The following IQSEC1 variants were observed in gnomAD, a reference collection of about 807,000 sequenced individuals.
IQSEC1 encodes the protein IQ motif and SEC7 domain-containing protein 1.
In IQSEC1, 31 loss-of-function variants were observed where a neutral mutation model predicts 91.0. The ratio of observed to expected loss-of-function variants is 0.34; its 90% CI spans 0.26 to 0.46. IQSEC1 has a LOEUF of 0.46. IQSEC1 is among the 20% of genes least tolerant of loss of function. IQSEC1 has a pLI of 1.00. For missense variants in IQSEC1, 1,388 were observed against 1,575.6 expected (o/e 0.88, Z 2.02); for synonymous variants, 699 against 662.6 (o/e 1.05, Z -0.84).
At chr3:13,164,599 C>G (rs1336437910) in intron 1 of IQSEC1, among the ~76,000 whole-genome samples, 1 of 152,212 alleles carries the variant, frequency 6.6e-6, no homozygotes, top group African/African-American at 2.4e-5. Context: ...AGAACCAGCT[C>G]TATTTTCAAG....
In IQSEC1 at chr3:12,900,047, C is replaced by T; in HGVS notation, c.*936G>A. 1.0e-6 allele frequency: 1 copy of T among 985,280 alleles called. No individual in the cohort carries two copies. Among genetic ancestry groups the T allele is most frequent in the Non-Finnish European group, 1.2e-6 (1 of 829,890 alleles). 61.0% of individuals were successfully genotyped at this position (985,280 alleles called of 1,614,324 possible). Reference sequence around the variant, plus strand: ...CCGTGTAACCAATGTCCTAAGACAACCAGCTTGTAACCAGCTGTCCTGAGT... The same window carrying T: ...CCGTGTAACCAATGTCCTAAGACAATCAGCTTGTAACCAGCTGTCCTGAGT... On this transcript the variant is annotated 3_prime_UTR_variant, in exon 14 of 14. Coordinates refer to ENST00000613206, the MANE Select transcript of IQSEC1 (RefSeq NM_001134382.3).
rs189932262 is a variant in IQSEC1 at position 13,146,747 on chromosome 3, C to T, written c.302+17357G>A. On this transcript the variant is annotated intron_variant, in intron 2 of 15. Transcript: ENST00000648114. ...CTCAGCTACTCGAGAGGCTGAGGCA[C>T]GAGAATCACTTGAACACAGGAGGTT... Among the ~76,000 whole-genome samples, 47 of 152,242 alleles carry T rather than the reference C, an allele frequency of 3.1e-4. 2 individuals are homozygous for T. The East Asian group carries it at 3.9e-3, about 13-fold the overall frequency.
At chr3:12,912,598 A>C (rs1014601784) in intron 9 of IQSEC1, among the ~76,000 whole-genome samples, 2 of 140,378 alleles carry the variant, frequency 1.4e-5, no homozygotes, top group African/African-American at 2.7e-5. Context: ...CGGGAAGCGG[A>C]GCTTGCAGTG....
intron 1 of IQSEC1, among the ~76,000 whole-genome samples, chr3:13,281,729 C>T (rs1291531612): frequency 6.6e-6 from 1 of 152,222 alleles, no homozygotes. Flanking sequence ...CTGGAAGGGC[C>T]GCCCAGCAGG....
chr3:12,910,373 A>G (rs968862413), intron 10 of IQSEC1, among the ~76,000 whole-genome samples: 1 of 152,206 alleles, frequency 6.6e-6, no homozygotes, highest in African/African-American at 2.4e-5. Context: ...CTCTGCCCTG[A>G]TGGTCCACAG....
Position 13,147,085 on chromosome 3 carries a change from T to A in IQSEC1, c.302+17019A>T, listed in dbSNP as rs536056064. On this transcript the variant is annotated intron_variant, in intron 2 of 15. Transcript: ENST00000648114. The stretch of plus-strand genomic sequence containing the variant: ...GTACCTCCCTCTGCAGGTTGGAAGG[T>A]AATGGCAGGAGAGCCCAGGGGCTAG... Among the ~76,000 whole-genome samples, 211 of 152,306 alleles carry A rather than the reference T, an allele frequency of 1.4e-3. 2 individuals are homozygous for A. The highest frequency in any genetic ancestry group is 4.9e-3 in the African/African-American group (203 of 41,568).
At chr3:13,263,879 C>G (rs1335197378) in intron 1 of IQSEC1, among the ~76,000 whole-genome samples, 4 of 152,192 alleles carry the variant, frequency 2.6e-5, no homozygotes, top group Non-Finnish European at 2.9e-5. Flanking sequence ...AAGCTCTCAG[C>G]CCCTCTGAGC....
At chr3:13,081,873 G>A (rs545334387) in intron 2 of IQSEC1, among the ~76,000 whole-genome samples, 8 of 152,336 alleles carry the variant, frequency 5.3e-5, no homozygotes, top group South Asian at 4.1e-4. Flanking sequence ...GAGGGTTGAC[G>A]TGAATACCAA....
chr3:12,903,156 C>T (rs917804297), intron 12 of IQSEC1, among the ~76,000 whole-genome samples: 3 of 152,340 alleles, frequency 2.0e-5, no homozygotes, highest in South Asian at 2.1e-4. Context: ...GTGGGCCTGA[C>T]GCCCCCAACT....
chr3:12,975,997 A>G (rs926314073), intron 1 of IQSEC1, among the ~76,000 whole-genome samples: 1 of 152,250 alleles, frequency 6.6e-6, no homozygotes, highest in African/African-American at 2.4e-5. Context: ...TCTTGGCTGT[A>G]TAGCCTTGGG....
chr3:12,928,314 C>G (rs1466781828), intron 3 of IQSEC1, among the ~76,000 whole-genome samples: 2 of 152,202 alleles, frequency 1.3e-5, no homozygotes. Flanking sequence ...TAGCCTGAAC[C>G]TAGTGCGGGC....
intron 2 of IQSEC1, among the ~76,000 whole-genome samples, chr3:13,162,403 C>G (rs1208180360): frequency 1.3e-5 from 2 of 152,204 alleles, no homozygotes; most frequent in African/African-American, 4.8e-5. Flanking sequence ...TCCCCTTCCA[C>G]CTCAGAGCCA....
At chr3:13,098,804 G>A (rs1194156491) in intron 2 of IQSEC1, among the ~76,000 whole-genome samples, 1 of 152,202 alleles carries the variant, frequency 6.6e-6, no homozygotes, top group Admixed American at 6.5e-5. Context: ...GGAAGAGGAA[G>A]TGGGAAATGA....
At chr3:13,273,049 G>C (rs1453629017) in intron 1 of IQSEC1, among the ~76,000 whole-genome samples, 1 of 152,180 alleles carries the variant, frequency 6.6e-6, no homozygotes, top group Non-Finnish European at 1.5e-5. Context: ...CATACATCAA[G>C]GATGTAATCC....
At chr3:13,215,387 C>T (rs1297260958) in intron 1 of IQSEC1, among the ~76,000 whole-genome samples, 3 of 151,834 alleles carry the variant, frequency 2.0e-5, no homozygotes, top group South Asian at 4.2e-4. Flanking sequence ...GGAGCTTTGG[C>T]GCCCACCTTC....
At position 13,239,747 on chromosome 3, in the gene IQSEC1, A is replaced by G. The variant is rs568221509; in HGVS notation, c.272+42964T>C. On this transcript the variant is annotated intron_variant, in intron 1 of 15. Coordinates refer to the IQSEC1 transcript ENST00000648114. ...CGTGGTACCACACAGGTGAACCCTG[A>G]GGACTTGATGCTGAGGGAAATAAGC... Among the ~76,000 whole-genome samples, 5 of 152,362 alleles carry G rather than the reference A, an allele frequency of 3.3e-5. No individual in the cohort carries two copies. In the East Asian group the frequency reaches 9.7e-4, roughly 29 times the overall value.
At chr3:13,143,103 G>A (rs1343306871) in intron 2 of IQSEC1, among the ~76,000 whole-genome samples, 3 of 152,174 alleles carry the variant, frequency 2.0e-5, no homozygotes, top group South Asian at 4.1e-4. Flanking sequence ...ATTGGTCTTC[G>A]ATGTGTCTGT....
chr3:13,257,033 A>C (rs1695298709), intron 1 of IQSEC1, among the ~76,000 whole-genome samples: 1 of 152,214 alleles, frequency 6.6e-6, no homozygotes, highest in African/African-American at 2.4e-5. Context: ...CTTTTGTAAA[A>C]AAGAAAAAAT....
intron 1 of IQSEC1, among the ~76,000 whole-genome samples, chr3:12,980,203 G>A (rs1459865114): frequency 6.6e-6 from 1 of 152,222 alleles, no homozygotes; most frequent in Middle Eastern, 3.2e-3. Context: ...GGAAACAGAG[G>A]CACAGAGGGG....
Sources: gnomAD v4.1 joint callset for allele counts (sites outside exome capture counted in the v4.1 genomes callset) on GRCh38, gnomAD v4.1.1 for gene constraint, MANE v1.5 for transcripts, NCBI Gene and HGNC (gene_info 2026-07-23, HGNC 2026-07-21) for gene names.